Variants in XKR9 observed in about 807,000 individuals in gnomAD.
The protein encoded by XKR9 is XK-related protein 9.
A neutral mutation model predicts 32.0 loss-of-function variants in XKR9; 32 were observed. That is an observed-to-expected ratio of 1.00 (90% CI 0.76 to 1.34). The LOEUF (loss-of-function observed/expected upper bound fraction) is 1.34. Ranked by LOEUF, XKR9 falls within the 40% of genes most tolerant of loss-of-function variation. The pLI is 0.00. For synonymous variants in XKR9, 168 were observed against 143.4 expected, an observed-to-expected ratio of 1.17 and a Z score of -1.22; for missense variants, 546 against 429.7, an observed-to-expected ratio of 1.27 and a Z score of -2.39.
the XKR9 span, among the ~76,000 whole-genome samples, chr8:71,046,183 G>T: frequency 2.6e-5 from 4 of 152,094 alleles, no homozygotes; most frequent in African/African-American, 9.7e-5. Context: ...GAATATAATT[G>T]TCACTACTTT....
the XKR9 span, among the ~76,000 whole-genome samples, chr8:70,975,584 C>A: frequency 1.3e-5 from 2 of 152,134 alleles, no homozygotes; most frequent in African/African-American, 4.8e-5. Context: ...GGCCTCTGTT[C>A]TGTTCCATTG....
the XKR9 span, among the ~76,000 whole-genome samples, chr8:70,960,637 G>A: frequency 3.9e-5 from 6 of 152,000 alleles, no homozygotes; most frequent in South Asian, 2.1e-4. Context: ...CAACACCTTC[G>A]GAGACTGAGG....
downstream of XKR9, among the ~76,000 whole-genome samples, chr8:70,794,512 G>C (rs1374012807): frequency 1.3e-5 from 2 of 152,014 alleles, no homozygotes; most frequent in Non-Finnish European, 2.9e-5. Flanking sequence ...TTATTAGATT[G>C]AGAAAGTTCT....
chr8:70,739,490 G>T (rs913698734), downstream of XKR9, among the ~76,000 whole-genome samples: 4 of 152,096 alleles, frequency 2.6e-5, no homozygotes, highest in African/African-American at 9.7e-5. Context: ...ATTGTTATGT[G>T]CGAATTTGAT....
At chr8:70,829,357 A>C in the XKR9 span, among the ~76,000 whole-genome samples, 1 of 152,188 alleles carries the variant, frequency 6.6e-6, no homozygotes, top group South Asian at 2.1e-4. Flanking sequence ...GAACTGCTGG[A>C]GGTTTTCAGG....
chr8:71,012,158 C>T, the XKR9 span, among the ~76,000 whole-genome samples: 1 of 152,194 alleles, frequency 6.6e-6, no homozygotes, highest in East Asian at 1.9e-4. Context: ...GGCTTGAATC[C>T]TGTCTTCGAG....
chr8:70,845,508 C>T, the XKR9 span, among the ~76,000 whole-genome samples: 1 of 151,878 alleles, frequency 6.6e-6, no homozygotes, highest in Non-Finnish European at 1.5e-5. Flanking sequence ...CAGTGAGACA[C>T]AAGAGAACAC....
chr8:70,981,004 T>A, the XKR9 span, among the ~76,000 whole-genome samples: 3 of 152,244 alleles, frequency 2.0e-5, no homozygotes, highest in African/African-American at 7.2e-5. Context: ...TGCTGAGAAA[T>A]CTGCTGTTAA....
At chr8:70,866,865 T>G in the XKR9 span, among the ~76,000 whole-genome samples, 1 of 152,250 alleles carries the variant, frequency 6.6e-6, no homozygotes, top group Non-Finnish European at 1.5e-5. Flanking sequence ...ACACTTTTCA[T>G]AAATTATTTT....
At chr8:70,907,454 CT>C in the XKR9 span, among the ~76,000 whole-genome samples, 11 of 152,136 alleles carry the variant, frequency 7.2e-5, no homozygotes, top group African/African-American at 2.7e-4. Context: ...TGATTAAGGC[CT>C]TTTTATACCT....
chr8:70,735,433 T>G lies in XKR9; in HGVS notation c.*1009T>G, dbSNP rs1806833011. 6.6e-6 allele frequency: 1 copy of G among 151,096 alleles called. No individual in the cohort carries two copies. Among genetic ancestry groups the G allele is most frequent in the Admixed American group, 6.6e-5 (1 of 15,160 alleles). The allele number at this position is 151,096 out of a possible 1,614,324, so 9.4% of individuals were successfully genotyped here. On this transcript the variant is annotated 3_prime_UTR_variant, in exon 5 of 5. Coordinates refer to ENST00000408926, the MANE Select transcript of XKR9 (RefSeq NM_001011720.2). The stretch of plus-strand genomic sequence containing the variant: ...TGGAAGTGGTGGGGACTTTGTTTAT[T>G]TATTTATTTTTAATTTTTTAATTTT...
chr8:70,693,304 G>C (rs951547955), intron 3 of XKR9, among the ~76,000 whole-genome samples: 2 of 152,132 alleles, frequency 1.3e-5, no homozygotes, highest in East Asian at 3.9e-4. Flanking sequence ...TTCAGTGGGG[G>C]TATATTAGTG....
At chr8:70,882,542 T>C in the XKR9 span, among the ~76,000 whole-genome samples, 39 of 151,958 alleles carry the variant, frequency 2.6e-4, no homozygotes, top group African/African-American at 8.4e-4. Context: ...TGGTATAGTA[T>C]GAGTTTAAAA....
intron 3 of XKR9, among the ~76,000 whole-genome samples, chr8:70,696,017 T>G (rs963326948): frequency 3.3e-5 from 5 of 151,938 alleles, no homozygotes; most frequent in African/African-American, 1.2e-4. Flanking sequence ...TCGCCCACTT[T>G]TTGATGGGGT....
the XKR9 span, among the ~76,000 whole-genome samples, chr8:70,951,866 T>C: frequency 7.8e-6 from 1 of 127,434 alleles, no homozygotes; most frequent in Non-Finnish European, 1.6e-5. Context: ...CATAGCATCA[T>C]TGGGGGGGGG....
At chr8:70,978,006 T>C in the XKR9 span, among the ~76,000 whole-genome samples, 2 of 152,228 alleles carry the variant, frequency 1.3e-5, no homozygotes, top group Admixed American at 6.5e-5. Flanking sequence ...TCTTTGTCTC[T>C]TTTGATCTTT....
chr8:70,787,112 A>AG (rs1807699144), intron 2 of XKR9, among the ~76,000 whole-genome samples: 1 of 152,166 alleles, frequency 6.6e-6, no homozygotes, highest in Non-Finnish European at 1.5e-5. Flanking sequence ...AGAATGGAAG[A>AG]GAGAAATTTA....
chr8:70,865,041 C>CT, the XKR9 span, among the ~76,000 whole-genome samples: 3 of 152,098 alleles, frequency 2.0e-5, no homozygotes, highest in East Asian at 1.9e-4. Context: ...TTTCTCTTTA[C>CT]TTTTTTTACA....
the XKR9 span, among the ~76,000 whole-genome samples, chr8:71,035,095 G>A: frequency 7.9e-5 from 12 of 152,092 alleles, no homozygotes; most frequent in Non-Finnish European, 1.5e-4. Flanking sequence ...TGGAATTGCT[G>A]AGTCATAGAA....
Sources: allele counts gnomAD v4.1 joint callset (sites outside exome capture counted in the v4.1 genomes callset), GRCh38; gene constraint gnomAD v4.1.1; transcripts MANE v1.5; gene names NCBI Gene and HGNC (gene_info 2026-07-23, HGNC 2026-07-21).